KIF13A: variants seen among roughly 807,000 people sequenced by gnomAD.
KIF13A encodes the protein kinesin family member 13A.
Under a neutral mutation model 212.2 loss-of-function variants are expected in KIF13A, and 79 were observed. The ratio of observed to expected loss-of-function variants is 0.37; its 90% confidence interval spans 0.31 to 0.45. KIF13A has a LOEUF of 0.45. Among genes scored for constraint, KIF13A ranks in the 20% least tolerant of loss-of-function variants. The probability of loss-of-function intolerance (pLI) is 1.00; values close to 1 mark genes in which losing one functional copy is unlikely to be tolerated. For missense variants in KIF13A, 1,901 were observed against 2,209.0 expected, an observed-to-expected ratio of 0.86 and a Z score of 2.79; for synonymous variants, 789 against 808.6, an observed-to-expected ratio of 0.98 and a Z score of 0.41.
At chr6:17,977,980 C>T (rs1033722353) in intron 2 of KIF13A, among the ~76,000 whole-genome samples, 7 of 152,178 alleles carry the variant, frequency 4.6e-5, no homozygotes, top group Admixed American at 6.5e-5. Flanking sequence ...GATACGATTG[C>T]GCTTTGACAT....
Position 17,764,827 on chromosome 6 carries a change from CCT to C in KIF13A, c.4699_4700del (p.Arg1567GlyfsTer6), listed in dbSNP as rs1434680948. 1 of 1,613,608 alleles carries C rather than the reference CCT, an allele frequency of 6.2e-7. No homozygotes were observed. ...FSVYNASLENREWFSSKVDLS... is the reference protein window; with the variant it reads ...FSVYNASLENXEWFSSKVDLS... The stretch of plus-strand genomic sequence containing the variant: ...GATCTACTTTAGAGGAAAACCATTC[CCT>C]GTTCTCCAAGCTGGCATTGTAAACA... On this transcript the variant is annotated frameshift_variant, in exon 39 of 39. Transcript: ENST00000259711. LOFTEE classifies it low-confidence loss of function (END_TRUNC). This position sits in a 1 kb window ranked among gnomAD's most constrained non-coding sequence, Gnocchi z 5.1.
chr6:17,777,676 A>G lies in KIF13A; in HGVS notation c.4093-322T>C, dbSNP rs542663804. ...TAGGATTACAGGCGTGAGCCACCGC[A>G]CCCGGCCATTACTTTATTTTTTATT... On this transcript the variant is annotated intron_variant, in intron 33 of 38. Transcript: ENST00000259711. The surrounding 1 kb of genome is among the most constrained non-coding windows in gnomAD (Gnocchi z 4.4). Among the ~76,000 whole-genome samples, 4 of 152,226 alleles carry G rather than the reference A, an allele frequency of 2.6e-5. No individual in the cohort carries two copies. In the South Asian group the frequency reaches 8.3e-4, roughly 32 times the overall value.
chr6:17,778,999 G>A lies in KIF13A; in HGVS notation c.4040C>T (p.Thr1347Ile). 1.2e-6 allele frequency: 2 copies of A among 1,613,136 alleles called. No homozygotes were observed. Among genetic ancestry groups the A allele is most frequent in the Non-Finnish European group, 1.7e-6 (2 of 1,179,648 alleles). Reference protein sequence around the residue: ...SDGETYIEKYTRGVLQVENIL... With the variant: ...SDGETYIEKYIRGVLQVENIL... ...GTTTTCCACCTGCAGCACGCCTCGA[G>A]TGTACTTCTCAATGTACGTCTCCCC... The change falls in exon 33 of 39, where the codon ACT becomes ATT. Residue 1347 changes from threonine (T) to isoleucine (I), a missense_variant. Thr to Ile is a moderately conservative substitution (Grantham distance 89). This residue lies in a region of KIF13A where 687 missense variants were observed against 759.1 expected (regional missense o/e 0.90). Transcript: ENST00000259711.
intron 16 of KIF13A, among the ~76,000 whole-genome samples, chr6:17,824,528 GAC>G (rs1455954906): frequency 6.6e-6 from 1 of 152,056 alleles, no homozygotes; most frequent in Non-Finnish European, 1.5e-5. Context: ...GGGAGGCCAA[GAC>G]AGGCGGATCA....
intron 34 of KIF13A, among the ~76,000 whole-genome samples, chr6:17,775,566 A>G (rs11963103): frequency 0.045 from 6,800 of 152,188 alleles, 531 homozygotes; most frequent in African/African-American, 0.15. Flanking sequence ...GGACATGCCA[A>G]TTTTTTGATA....
In KIF13A at chr6:17,825,191, G is replaced by T. The variant is rs1388646822; in HGVS notation, c.1786+577C>A. 6.6e-6 allele frequency among the ~76,000 whole-genome samples: 1 copy of T among 152,116 alleles called. No homozygotes were observed. The highest frequency in any genetic ancestry group is 2.4e-5 in the African/African-American group (1 of 41,424). On this transcript the variant is annotated intron_variant, in intron 16 of 38. Transcript: ENST00000259711. The surrounding 1 kb of genome is among the most constrained non-coding windows in gnomAD (Gnocchi z 4.5). Reference sequence around the variant, plus strand: ...GTGTGTATAGGCACAGAATAAGAAAGAAAAGGTAAAGGAACACGGACTTTT... The same window carrying T: ...GTGTGTATAGGCACAGAATAAGAAATAAAAGGTAAAGGAACACGGACTTTT...
chr6:17,839,709 A>G lies in KIF13A; in HGVS notation c.831-2126T>C, dbSNP rs1222999367. ...ATCTAATGAGTGATGTCCTTATAAG[A>G]AGGTCATATAAAGACACCCAGGGGA... On this transcript the variant is annotated intron_variant, in intron 9 of 38. Coordinates refer to ENST00000259711, the MANE Select transcript of KIF13A (RefSeq NM_022113.6). This position sits in a 1 kb window ranked among gnomAD's most constrained non-coding sequence, Gnocchi z 4.3. Among the ~76,000 whole-genome samples, 1 of 152,136 alleles carries G rather than the reference A, an allele frequency of 6.6e-6. No homozygotes were observed. The highest frequency in any genetic ancestry group is 2.4e-5 in the African/African-American group (1 of 41,426).
At chr6:17,931,522 A>G (rs1775985285) in intron 2 of KIF13A, among the ~76,000 whole-genome samples, 1 of 152,184 alleles carries the variant, frequency 6.6e-6, no homozygotes, top group South Asian at 2.1e-4. Flanking sequence ...GACACAAAAT[A>G]TTGCATTCTT....
intron 26 of KIF13A, among the ~76,000 whole-genome samples, chr6:17,788,415 C>T (rs140819661): frequency 2.6e-5 from 4 of 152,262 alleles, no homozygotes; most frequent in African/African-American, 9.6e-5. Context: ...CAAAAATCTC[C>T]CATGCAAACT....
intron 25 of KIF13A, among the ~76,000 whole-genome samples, chr6:17,793,771 G>A (rs1263056757): frequency 6.6e-6 from 1 of 151,938 alleles, no homozygotes; most frequent in Non-Finnish European, 1.5e-5. Context: ...AGAATCAGCT[G>A]GGCGTGGTGA....
At position 17,764,747 on chromosome 6, in the gene KIF13A, C is replaced by G; in HGVS notation, c.4781G>C (p.Ser1594Thr). The G allele has an allele frequency of 6.2e-7, 1 of 1,613,084 alleles. No homozygotes were observed. The highest frequency in any genetic ancestry group is 1.1e-5 in the South Asian group (1 of 90,892). Residue 1594 changes from serine to threonine, a missense_variant, in exon 39 of 39, where the codon AGT becomes ACT. Physicochemically the swap from Ser to Thr is moderately conservative, Grantham distance 58. Coordinates refer to ENST00000259711, the MANE Select transcript of KIF13A (RefSeq NM_022113.6). The surrounding 1 kb of genome is among the most constrained non-coding windows in gnomAD (Gnocchi z 5.1). The part of the protein sequence containing the change: ...KEVSRSPTTS[S>T]ITSGYFSHSA... ...GTGGGAAAAGTAGCCACTGGTAATA[C>G]TGCTGGTGGTAGGGCTACGGGACAC...
At chr6:17,805,751 C>T in intron 18 of KIF13A, 136 bp from the exon 19 acceptor site, 1 of 744,474 alleles carries the variant, frequency 1.3e-6, no homozygotes, top group Non-Finnish European at 2.1e-6. Flanking sequence ...ATTCTACCAC[C>T]TACGAGGATA....
chr6:17,775,478 T>C (rs1327980039), intron 34 of KIF13A, among the ~76,000 whole-genome samples: 1 of 152,192 alleles, frequency 6.6e-6, no homozygotes, highest in African/African-American at 2.4e-5. Context: ...GGAGTATATT[T>C]TGACTGCTTT....
intron 4 of KIF13A, among the ~76,000 whole-genome samples, chr6:17,864,422 T>C (rs1162274066): frequency 6.6e-6 from 1 of 152,186 alleles, no homozygotes; most frequent in Non-Finnish European, 1.5e-5. Flanking sequence ...AGAGAGCTCC[T>C]GTATGGAATT....
At chr6:17,972,758 G>A (rs1779919407) in intron 2 of KIF13A, among the ~76,000 whole-genome samples, 1 of 149,324 alleles carries the variant, frequency 6.7e-6, no homozygotes, top group Non-Finnish European at 1.5e-5. Flanking sequence ...ACAATACAAA[G>A]GGCCAACAGT....
chr6:17,836,850 C>T, intron 11 of KIF13A, 28 bp downstream of exon 11: 4 of 1,600,990 alleles, frequency 2.5e-6, no homozygotes, highest in South Asian at 1.1e-5. Context: ...GGGAACTTTA[C>T]CAGCAGGGAG....
intron 28 of KIF13A, among the ~76,000 whole-genome samples, chr6:17,784,648 T>C (rs1336587730): frequency 2.0e-5 from 3 of 152,186 alleles, no homozygotes; most frequent in Admixed American, 6.5e-5. Context: ...GAAAACACTT[T>C]ACACGAGAGA....
At position 17,771,180 on chromosome 6, in the gene KIF13A, A is replaced by T; in HGVS notation, c.4515T>A (p.Ile1505=). The T allele has an allele frequency of 6.2e-7, 1 of 1,613,258 alleles. No homozygotes were observed. The highest frequency in any genetic ancestry group is 8.5e-7 in the Non-Finnish European group (1 of 1,179,634). Residue 1505 remains isoleucine (I), a synonymous_variant, in exon 38 of 39, where the codon ATT becomes ATA. Transcript: ENST00000259711. The surrounding 1 kb of genome is among the most constrained non-coding windows in gnomAD (Gnocchi z 5.4). ...TGCTGCCATTGCTTCCTGAGGGTAC[A>T]ATGCAGCCAGGGTTATGTGCCTGAG... ...PPPQAHNPGC[I]VPSGSNGSSM...
At position 17,768,309 on chromosome 6, in the gene KIF13A, G is replaced by A. The variant is rs894292346; in HGVS notation, c.4581+2805C>T. Among the ~76,000 whole-genome samples the A allele has an allele frequency of 3.9e-5, 6 of 152,208 alleles. No individual in the cohort carries two copies. Among genetic ancestry groups the A allele is most frequent in the Non-Finnish European group, 7.3e-5 (5 of 68,036 alleles). Reference sequence around the variant, plus strand: ...GTTCTCAAGCTTCTCTATAGCTACAGTCTTCATCTGAGTTTTGCAAATTTA... The same window carrying A: ...GTTCTCAAGCTTCTCTATAGCTACAATCTTCATCTGAGTTTTGCAAATTTA... On this transcript the variant is annotated intron_variant, in intron 38 of 38. Transcript: ENST00000259711. The surrounding 1 kb of genome is among the most constrained non-coding windows in gnomAD (Gnocchi z 5.4).
Sources: allele counts gnomAD v4.1 joint callset (sites outside exome capture counted in the v4.1 genomes callset), GRCh38; gene constraint gnomAD v4.1.1; regional missense constraint gnomAD v4.1.1; non-coding constraint Gnocchi (gnomAD v3.1); transcripts MANE v1.5; gene names NCBI Gene and HGNC (gene_info 2026-07-23, HGNC 2026-07-21).